The following JAK1 variants were observed in gnomAD, a reference collection of about 807,000 sequenced individuals.
The protein encoded by JAK1 is Janus kinase 1, also known as tyrosine-protein kinase JAK1.
A neutral mutation model predicts 136.6 loss-of-function variants in JAK1; 16 were observed. The observed-to-expected ratio is 0.12, with a 90% CI of 0.08 to 0.18. The LOEUF is 0.18. JAK1 is among the 10% of genes least tolerant of loss of function. JAK1 has a pLI of 1.00. For synonymous variants in JAK1, 492 were observed against 519.5 expected (o/e 0.95, Z 0.72); for missense variants, 859 against 1,450.1 (o/e 0.59, Z 6.62).
intron 1 of JAK1, among the ~76,000 whole-genome samples, chr1:64,892,960 C>T (rs1031436621): frequency 1.3e-5 from 2 of 152,032 alleles, no homozygotes; most frequent in Non-Finnish European, 2.9e-5. Context: ...TACACGGGAA[C>T]CCCAGGGAAG....
chr1:64,981,283 C>T (rs540920159), intron 2 of JAK1, among the ~76,000 whole-genome samples: 1 of 152,310 alleles, frequency 6.6e-6, no homozygotes, highest in African/African-American at 2.4e-5. Flanking sequence ...GTATTTATTG[C>T]CTACATCATT....
Position 65,018,583 on chromosome 1 carries a change from A to AGGG in JAK1, c.-78+25896_-78+25897insCCC, listed in dbSNP as rs1569887715. On this transcript the variant is annotated intron_variant, in intron 2 of 25. Coordinates refer to the JAK1 transcript ENST00000671954. Reference sequence around the variant, plus strand: ...TACACACTGGAAAGATAATAAAAGGATATAATGAATGACTTAAATCTAATC... The same window carrying AGGG: ...TACACACTGGAAAGATAATAAAAGGAGGGTATAATGAATGACTTAAATCTAATC... Among the ~76,000 whole-genome samples, 7 of 152,308 alleles carry AGGG rather than the reference A, an allele frequency of 4.6e-5. No individual in the cohort carries two copies. The South Asian group carries it at 1.5e-3, about 32-fold the overall frequency.
intron 2 of JAK1, among the ~76,000 whole-genome samples, chr1:65,043,540 T>C (rs968084608): frequency 4.6e-5 from 7 of 152,144 alleles, no homozygotes; most frequent in Admixed American, 4.6e-4. Flanking sequence ...TTTGTTTTTG[T>C]TTTTTGTTTT....
Position 64,924,260 on chromosome 1 carries a change from AG to A in JAK1, c.-77-37920del, listed in dbSNP as rs573332800. ...AAGTAGTGGCATTCCTAGAAAATTA[AG>A]GGTATATCAAAACAATGCAAAAAGT... is the stretch of plus-strand genomic sequence containing the variant. On this transcript the variant is annotated intron_variant, in intron 1 of 24. Transcript: ENST00000342505. Among the ~76,000 whole-genome samples the A allele has an allele frequency of 3.9e-5, 6 of 152,354 alleles. No homozygotes were observed. In the South Asian group the frequency reaches 1.2e-3, roughly 32 times the overall value.
chr1:64,857,034 T>C (rs749307638), intron 10 of JAK1, among the ~76,000 whole-genome samples: 4 of 152,206 alleles, frequency 2.6e-5, no homozygotes, highest in Admixed American at 6.5e-5. Context: ...AACAAAGGCA[T>C]TTGTGGTCTA....
chr1:64,930,602 G>A (rs1353242031), intron 1 of JAK1, among the ~76,000 whole-genome samples: 4 of 152,130 alleles, frequency 2.6e-5, no homozygotes, highest in Non-Finnish European at 1.5e-5. Flanking sequence ...ATTCCTCAAG[G>A]ATCTAGAACT....
chr1:64,924,507 A>G (rs1645549317), intron 1 of JAK1, among the ~76,000 whole-genome samples: 1 of 152,132 alleles, frequency 6.6e-6, no homozygotes, highest in South Asian at 2.1e-4. Context: ...GAGACAAACA[A>G]CAAGGGTCCA....
chr1:64,961,470 T>C (rs1012496146), intron 1 of JAK1, among the ~76,000 whole-genome samples: 3 of 152,118 alleles, frequency 2.0e-5, no homozygotes, highest in African/African-American at 7.2e-5. Flanking sequence ...TCCCCACTCA[T>C]TCGTTCAACA....
chr1:64,965,084 A>G (rs1303238524), intron 1 of JAK1, among the ~76,000 whole-genome samples: 1 of 152,110 alleles, frequency 6.6e-6, no homozygotes, highest in Non-Finnish European at 1.5e-5. Flanking sequence ...CTGTGCCTAT[A>G]CCCATATTTA....
chr1:64,843,979 G>C, intron 17 of JAK1, 85 bp downstream of exon 17: 1 of 1,500,320 alleles, frequency 6.7e-7, no homozygotes, highest in East Asian at 2.3e-5. Flanking sequence ...TCTTCCCACA[G>C]TGCCAGGCTT....
chr1:64,973,437 T>C (rs1460737780), intron 2 of JAK1, among the ~76,000 whole-genome samples: 2 of 151,854 alleles, frequency 1.3e-5, no homozygotes, highest in Admixed American at 1.3e-4. Flanking sequence ...TTCTATTTTT[T>C]TAATCTATTA....
At chr1:64,872,018 C>T (rs561577041) in intron 5 of JAK1, among the ~76,000 whole-genome samples, 1 of 152,346 alleles carries the variant, frequency 6.6e-6, no homozygotes, top group South Asian at 2.1e-4. Context: ...TCTCCAGCCT[C>T]GTTCCCCATC....
intron 1 of JAK1, among the ~76,000 whole-genome samples, chr1:64,928,303 C>T (rs1645617828): frequency 6.6e-6 from 1 of 152,096 alleles, no homozygotes; most frequent in Non-Finnish European, 1.5e-5. Context: ...AAAGTTGGGA[C>T]CTGAATAGAT....
At chr1:64,835,744 G>T (rs866935010) in intron 23 of JAK1, among the ~76,000 whole-genome samples, 2,035 of 152,206 alleles carry the variant, frequency 0.013, 17 homozygotes, top group Middle Eastern at 0.051. Flanking sequence ...CAAGGAGTCT[G>T]TTCCCAAGAA....
chr1:64,941,763 ACTCT>A (rs760983563), intron 1 of JAK1, among the ~76,000 whole-genome samples: 7 of 152,150 alleles, frequency 4.6e-5, no homozygotes, highest in African/African-American at 1.2e-4. Context: ...CAGGTACTTG[ACTCT>A]CTAAGTTTAG....
chr1:65,031,712 T>C, intron 2 of JAK1, among the ~76,000 whole-genome samples: 1 of 152,124 alleles, frequency 6.6e-6, no homozygotes, highest in Non-Finnish European at 1.5e-5. Context: ...CTGAAGTGTT[T>C]AGGGGTCTCC....
At chr1:64,834,950 T>C (rs754659684) in intron 24 of JAK1, among the ~76,000 whole-genome samples, 18 of 152,326 alleles carry the variant, frequency 1.2e-4, no homozygotes, top group Middle Eastern at 3.4e-3. Flanking sequence ...AGACTTGAAC[T>C]TTCCAGACTG....
At chr1:65,021,557 T>C (rs918202576) in intron 2 of JAK1, among the ~76,000 whole-genome samples, 1 of 152,172 alleles carries the variant, frequency 6.6e-6, no homozygotes, top group Admixed American at 6.5e-5. Context: ...CTTGTCTTTA[T>C]TGGGTGGCTG....
chr1:64,991,890 T>G (rs777732712), intron 2 of JAK1: 1 of 152,218 alleles, frequency 6.6e-6, no homozygotes, highest in Non-Finnish European at 1.5e-5. Flanking sequence ...GTAAATATTA[T>G]ACACTGAAAA....
Sources: allele counts gnomAD v4.1 joint callset (sites outside exome capture counted in the v4.1 genomes callset), GRCh38; gene constraint gnomAD v4.1.1; transcripts MANE v1.5; gene names NCBI Gene and HGNC (gene_info 2026-07-23, HGNC 2026-07-21).